The following ZNF98 variants were observed in gnomAD, a reference collection of about 807,000 sequenced individuals.
ZNF98 encodes the protein zinc finger protein 98.
A neutral mutation model predicts 12.8 loss-of-function variants in ZNF98; 8 were observed. The ratio of observed to expected loss-of-function variants is 0.63; its 90% CI spans 0.37 to 1.13. The LOEUF (loss-of-function observed/expected upper bound fraction) is 1.13, where lower values mean the gene tolerates loss of function less well. ZNF98 is among the 50% of genes most tolerant of loss of function. The pLI is 0.01. For synonymous variants in ZNF98, 112 were observed against 223.5 expected, an observed-to-expected ratio of 0.50 and a Z score of 4.45; for missense variants, 379 against 666.1, an observed-to-expected ratio of 0.57 and a Z score of 4.74.
In ZNF98 at chr19:22,392,131, A is replaced by G. The variant is rs754529741; in HGVS notation, c.1104T>C (p.His368=). Residue 368 remains histidine (H), a synonymous_variant, in exon 4 of 4, where the codon CAT becomes CAC. Coordinates refer to ENST00000357774, the MANE Select transcript of ZNF98 (RefSeq NM_001098626.2). The part of the protein sequence containing the change: ...AFSRLSHLTT[H]KRIHSGEKPY... Reference sequence around the variant, plus strand: ...GTTTCTCTCCAGAATGAATTCTCTTATGTGTAGTAAGGTGGGATAACCGGC... The same window carrying G: ...GTTTCTCTCCAGAATGAATTCTCTTGTGTGTAGTAAGGTGGGATAACCGGC... 18 of 1,612,524 alleles carry G rather than the reference A, an allele frequency of 1.1e-5. No individual in the cohort carries two copies. The highest frequency in any genetic ancestry group is 1.5e-5 in the Non-Finnish European group (18 of 1,179,420).
chr19:22,407,690 T>C, intron 1 of ZNF98, among the ~76,000 whole-genome samples: 1 of 151,266 alleles, frequency 6.6e-6, no homozygotes. Flanking sequence ...CCAACCTGGA[T>C]GACAGAGTGA....
At chr19:22,412,880 G>A (rs1253404328) in intron 1 of ZNF98, among the ~76,000 whole-genome samples, 2 of 151,510 alleles carry the variant, frequency 1.3e-5, no homozygotes, top group African/African-American at 2.4e-5. Flanking sequence ...GTGAAACCTC[G>A]TCTCTACTAA....
intron 3 of ZNF98, among the ~76,000 whole-genome samples, chr19:22,399,565 G>A (rs1969434221): frequency 6.6e-6 from 1 of 152,162 alleles, no homozygotes; most frequent in African/African-American, 2.4e-5. Flanking sequence ...GCTGACAAAA[G>A]TGAGTGAAAA....
chr19:22,400,966 A>G (rs1969449496), intron 3 of ZNF98, among the ~76,000 whole-genome samples: 1 of 150,862 alleles, frequency 6.6e-6, no homozygotes, highest in African/African-American at 2.4e-5. Context: ...AAACAAAACA[A>G]AACAAAACAA....
chr19:22,401,833 C>T (rs894956356), intron 3 of ZNF98, among the ~76,000 whole-genome samples: 4 of 151,326 alleles, frequency 2.6e-5, no homozygotes, highest in African/African-American at 9.7e-5. Context: ...TCTCTAGATT[C>T]AATAAATTCC....
chr19:22,408,616 T>C (rs1484737785), intron 1 of ZNF98, among the ~76,000 whole-genome samples: 1 of 152,196 alleles, frequency 6.6e-6, no homozygotes, highest in African/African-American at 2.4e-5. Flanking sequence ...AAAATCAATG[T>C]GCAAAAATCA....
At chr19:22,395,572 T>A (rs1312378092) in intron 3 of ZNF98, among the ~76,000 whole-genome samples, 7 of 148,266 alleles carry the variant, frequency 4.7e-5, no homozygotes, top group African/African-American at 1.7e-4. Flanking sequence ...AACAAGAATA[T>A]CAAAATATTA....
chr19:22,395,473 C>T (rs1599383711), intron 3 of ZNF98, among the ~76,000 whole-genome samples: 1 of 151,806 alleles, frequency 6.6e-6, no homozygotes, highest in East Asian at 1.9e-4. Context: ...AAAAGATGTA[C>T]ACGTTTTAAA....
rs1168807431 is a variant in ZNF98, at chr19:22,392,842, C to G, written c.393G>C (p.Glu131Asp). The G allele has an allele frequency of 1.2e-6, 2 of 1,611,976 alleles. No homozygotes were observed. Among genetic ancestry groups the G allele is most frequent in the East Asian group, 4.5e-5 (2 of 44,846 alleles). Residue 131 changes from glutamate (E) to aspartate (D), a missense_variant, in exon 4 of 4, where the codon GAG becomes GAC. Coordinates refer to ENST00000357774, the MANE Select transcript of ZNF98 (RefSeq NM_001098626.2). The stretch of plus-strand genomic sequence containing the variant: ...TGTAACATTCTTTGTGCACCTTACA[C>G]TCATCCATGCTTTTACAGTATTTTC... The part of the protein sequence containing the change: ...QLRKYCKSMD[E>D]CKVHKECYNG...
chr19:22,400,658 T>C (rs1323783223), intron 3 of ZNF98, among the ~76,000 whole-genome samples: 9 of 151,948 alleles, frequency 5.9e-5, no homozygotes, highest in African/African-American at 1.7e-4. Context: ...AACCAATTTA[T>C]AAAAACTTGA....
chr19:22,413,844 G>C (rs760565880), intron 1 of ZNF98, among the ~76,000 whole-genome samples: 16 of 141,456 alleles, frequency 1.1e-4, no homozygotes, highest in Non-Finnish European at 2.0e-4. Flanking sequence ...ACTCCAACCT[G>C]GGCAAAAAGA....
intron 1 of ZNF98, among the ~76,000 whole-genome samples, chr19:22,419,689 G>C (rs1969683190): frequency 6.6e-6 from 1 of 152,100 alleles, no homozygotes; most frequent in African/African-American, 2.4e-5. Flanking sequence ...GACAATACAT[G>C]TCTTATTATT....
chr19:22,406,935 C>T (rs767169695), intron 1 of ZNF98, among the ~76,000 whole-genome samples: 1 of 152,148 alleles, frequency 6.6e-6, no homozygotes, highest in African/African-American at 2.4e-5. Context: ...ATAAGATAGA[C>T]AAATTGACAG....
At chr19:22,398,734 T>TGAA (rs71180539) in intron 3 of ZNF98, among the ~76,000 whole-genome samples, 63,938 of 150,740 alleles carry the variant, frequency 0.42, 13,775 homozygotes, top group Non-Finnish European at 0.46. Flanking sequence ...GAAGAATAAC[T>TGAA]GAAGATCCAG....
At chr19:22,409,418 A>T (rs1969556830) in intron 1 of ZNF98, among the ~76,000 whole-genome samples, 1 of 152,194 alleles carries the variant, frequency 6.6e-6, no homozygotes, top group Non-Finnish European at 1.5e-5. Flanking sequence ...AGCAATTGCA[A>T]CAAAAGCCAA....
chr19:22,403,695 G>C (rs1182074088), intron 1 of ZNF98, among the ~76,000 whole-genome samples, 183 bp from the exon 2 acceptor site: 1 of 152,222 alleles, frequency 6.6e-6, no homozygotes, highest in East Asian at 1.9e-4. Flanking sequence ...TCTGAGAAAA[G>C]AGAGTGGCAT....
In ZNF98 at chr19:22,393,632, A is replaced by T. The variant is rs1299155460; in HGVS notation, c.254-651T>A. On this transcript the variant is annotated intron_variant, in intron 3 of 3. Coordinates refer to ENST00000357774, the MANE Select transcript of ZNF98 (RefSeq NM_001098626.2). ...GGTACTGGGAAAACTGGCTAGCCAT[A>T]TGTAGAAAGCTGAAACTGGATCCCT... 6.6e-5 allele frequency among the ~76,000 whole-genome samples: 10 copies of T among 152,250 alleles called. No individual in the cohort carries two copies. In the East Asian group the frequency reaches 1.7e-3, roughly 27 times the overall value.
chr19:22,415,144 A>G (rs1369593173), intron 1 of ZNF98, among the ~76,000 whole-genome samples: 1 of 149,660 alleles, frequency 6.7e-6, no homozygotes, highest in Non-Finnish European at 1.5e-5. Flanking sequence ...ATCACTAATC[A>G]TTAGAGAAAT....
intron 1 of ZNF98, among the ~76,000 whole-genome samples, chr19:22,415,027 T>C (rs1479747767): frequency 6.6e-6 from 1 of 151,876 alleles, no homozygotes; most frequent in Non-Finnish European, 1.5e-5. Context: ...CTTAAACAAG[T>C]TTACAGAAAA....
Sources: allele counts gnomAD v4.1 joint callset (sites outside exome capture counted in the v4.1 genomes callset), GRCh38; gene constraint gnomAD v4.1.1; transcripts MANE v1.5; gene names NCBI Gene and HGNC (gene_info 2026-07-23, HGNC 2026-07-21).